Variants in OR1J2 observed in about 807,000 individuals in gnomAD.
OR1J2 encodes olfactory receptor 1J2.
For synonymous variants in OR1J2, 142 were observed against 99.7 expected, an observed-to-expected ratio of 1.42 and a Z score of -2.52; for missense variants, 304 against 246.1, an observed-to-expected ratio of 1.24 and a Z score of -1.57.
the OR1J2 span, among the ~76,000 whole-genome samples, chr9:122,518,482 C>T: frequency 6.6e-6 from 1 of 152,220 alleles, no homozygotes; most frequent in Non-Finnish European, 1.5e-5. Context: ...GCCAGAGACA[C>T]TCTTGTGTTT....
the OR1J2 span, among the ~76,000 whole-genome samples, chr9:122,535,092 C>T: frequency 6.6e-6 from 1 of 150,848 alleles, no homozygotes; most frequent in East Asian, 1.9e-4. Context: ...GTGAAGGAGG[C>T]AAGCCTAGAG....
At chr9:122,507,293 A>T (rs1588187578), upstream of OR1J2, among the ~76,000 whole-genome samples, 1 of 152,334 alleles carries the variant, frequency 6.6e-6, no homozygotes, top group East Asian at 1.9e-4. Context: ...AAGGGTCATT[A>T]AAGGGGAAAA....
chr9:122,484,162 G>T, the OR1J2 span, among the ~76,000 whole-genome samples: 1,019 of 151,974 alleles, frequency 6.7e-3, 8 homozygotes, highest in African/African-American at 0.023. Context: ...ATTTTTGGGG[G>T]TTTTTTGTTT....
At chr9:122,452,167 C>T in the OR1J2 span, among the ~76,000 whole-genome samples, 74 of 152,104 alleles carry the variant, frequency 4.9e-4, 1 homozygote, top group Non-Finnish European at 7.9e-4. Flanking sequence ...TGTGAGTCAC[C>T]GCGCCCAGCC....
the OR1J2 span, among the ~76,000 whole-genome samples, chr9:122,579,619 T>TTAG: frequency 2.0e-5 from 3 of 152,146 alleles, no homozygotes; most frequent in Admixed American, 1.3e-4. Flanking sequence ...TAATTAGATA[T>TTAG]TAGTTGTGAT....
chr9:122,538,152 C>A, the OR1J2 span, among the ~76,000 whole-genome samples: 2 of 151,734 alleles, frequency 1.3e-5, no homozygotes, highest in Non-Finnish European at 2.9e-5. Context: ...AACAGCCCCC[C>A]AGTCCCCCTG....
the OR1J2 span, among the ~76,000 whole-genome samples, chr9:122,536,098 G>T: frequency 2.8e-4 from 43 of 152,278 alleles, no homozygotes; most frequent in African/African-American, 1.0e-3. Flanking sequence ...GGATGTGTAC[G>T]TGCAGGTCAC....
At chr9:122,544,212 G>A in the OR1J2 span, among the ~76,000 whole-genome samples, 1 of 151,698 alleles carries the variant, frequency 6.6e-6, no homozygotes, top group Non-Finnish European at 1.5e-5. Context: ...TTTAAATGAT[G>A]AGGGAATTAA....
At chr9:122,550,542 A>C in the OR1J2 span, among the ~76,000 whole-genome samples, 1 of 147,750 alleles carries the variant, frequency 6.8e-6, no homozygotes, top group Non-Finnish European at 1.5e-5. Flanking sequence ...CAAAAAGATA[A>C]TACACCATGA....
At chr9:122,477,394 AAGT>A in the OR1J2 span, 2 of 1,614,086 alleles carry the variant, frequency 1.2e-6, no homozygotes, top group East Asian at 4.5e-5. Flanking sequence ...AAGGTCACAG[AAGT>A]AGTGAGGGAT....
upstream of OR1J2, among the ~76,000 whole-genome samples, chr9:122,510,567 A>G (rs1436855163): frequency 1.3e-5 from 2 of 152,066 alleles, no homozygotes; most frequent in Non-Finnish European, 1.5e-5. Flanking sequence ...AACCTGTGCC[A>G]TGGTGGTTTG....
the OR1J2 span, among the ~76,000 whole-genome samples, chr9:122,523,226 T>C: frequency 6.6e-6 from 1 of 152,162 alleles, no homozygotes; most frequent in Non-Finnish European, 1.5e-5. Flanking sequence ...TTGCATGGTA[T>C]GTTCAGGGAA....
At chr9:122,457,660 A>C in the OR1J2 span, among the ~76,000 whole-genome samples, 1 of 152,222 alleles carries the variant, frequency 6.6e-6, no homozygotes, top group African/African-American at 2.4e-5. Context: ...ACTTTAAAAA[A>C]TATGGGCAAA....
the OR1J2 span, among the ~76,000 whole-genome samples, chr9:122,571,714 C>CAAAA: frequency 8.0e-6 from 1 of 124,370 alleles, no homozygotes; most frequent in Non-Finnish European, 1.7e-5. Context: ...GACTCAGTCT[C>CAAAA]AAAAAAAAAA....
At chr9:122,510,766 C>T (rs771274138), upstream of OR1J2, 47 of 1,178,438 alleles carry the variant, frequency 4.0e-5, no homozygotes, top group Non-Finnish European at 5.2e-5. Flanking sequence ...CTAATATTCT[C>T]AAGCATTCTT....
the OR1J2 span, among the ~76,000 whole-genome samples, chr9:122,482,851 C>T: frequency 3.9e-5 from 6 of 152,014 alleles, no homozygotes; most frequent in Admixed American, 3.9e-4. Context: ...GTTACCAGAG[C>T]CTGGGAGGGT....
chr9:122,482,748 A>G, the OR1J2 span, among the ~76,000 whole-genome samples: 1 of 152,198 alleles, frequency 6.6e-6, no homozygotes, highest in East Asian at 1.9e-4. Flanking sequence ...TAAGTGAAAT[A>G]AGTTCTGGCA....
At chr9:122,485,829 A>G in the OR1J2 span, among the ~76,000 whole-genome samples, 1 of 152,220 alleles carries the variant, frequency 6.6e-6, no homozygotes, top group Non-Finnish European at 1.5e-5. Flanking sequence ...CAAATTTACT[A>G]TCTTTCCAGT....
the OR1J2 span, among the ~76,000 whole-genome samples, chr9:122,494,532 G>T: frequency 1.3e-5 from 2 of 152,138 alleles, no homozygotes; most frequent in East Asian, 1.9e-4. Flanking sequence ...CATTTGCATG[G>T]AATATCTTTT....
Sources: allele counts gnomAD v4.1 joint callset (sites outside exome capture counted in the v4.1 genomes callset), GRCh38; gene constraint gnomAD v4.1.1; transcripts MANE v1.5; gene names NCBI Gene and HGNC (gene_info 2026-07-23, HGNC 2026-07-21).